Variants in ERBB4 observed in about 807,000 individuals in gnomAD.
ERBB4 encodes receptor tyrosine-protein kinase erbB-4.
ERBB4 carries 42 observed loss-of-function variants against 158.0 expected under a neutral mutation model. That is an observed-to-expected ratio of 0.27 (90% CI 0.21 to 0.34). ERBB4 has a LOEUF of 0.34. Ranked by LOEUF, ERBB4 falls within the 10% of genes least tolerant of loss-of-function variation. The probability of loss-of-function intolerance (pLI) is 1.00; values close to 1 mark genes in which losing one functional copy is unlikely to be tolerated. For missense variants in ERBB4, 1,333 were observed against 1,624.1 expected (o/e 0.82, Z 3.08); for synonymous variants, 583 against 558.7 (o/e 1.04, Z -0.61).
chr2:212,414,813 C>CA (rs2091605723), intron 1 of ERBB4, among the ~76,000 whole-genome samples: 1 of 152,168 alleles, frequency 6.6e-6, no homozygotes, highest in Non-Finnish European at 1.5e-5. Flanking sequence ...GAGGCTAACT[C>CA]ACAGTCTGTG....
intron 1 of ERBB4, among the ~76,000 whole-genome samples, chr2:212,389,320 T>C (rs1031129824): frequency 6.6e-6 from 1 of 152,120 alleles, no homozygotes; most frequent in Non-Finnish European, 1.5e-5. Flanking sequence ...ATAGACCATA[T>C]ACACATATAG....
intron 1 of ERBB4, among the ~76,000 whole-genome samples, chr2:212,161,323 TA>T (rs1397113714): frequency 6.6e-6 from 1 of 151,918 alleles, no homozygotes; most frequent in Middle Eastern, 3.2e-3. Context: ...CTAACATAAT[TA>T]ACTTTACTAG....
At chr2:212,457,295 C>T (rs1574956016) in intron 1 of ERBB4, among the ~76,000 whole-genome samples, 1 of 152,106 alleles carries the variant, frequency 6.6e-6, no homozygotes, top group East Asian at 1.9e-4. Flanking sequence ...GATTCCCAAT[C>T]ATAGCACATT....
chr2:212,373,692 T>C (rs1332315906), intron 1 of ERBB4, among the ~76,000 whole-genome samples: 2 of 148,434 alleles, frequency 1.3e-5, no homozygotes, highest in Non-Finnish European at 3.0e-5. Context: ...TGGAGATACA[T>C]ATATATCCAT....
chr2:211,430,940 C>T lies in ERBB4; in HGVS notation c.2643+5G>A, dbSNP rs2125429177. The T allele has an allele frequency of 6.2e-7, 1 of 1,610,958 alleles. No homozygotes were observed. Among genetic ancestry groups the T allele is most frequent in the Non-Finnish European group, 8.5e-7 (1 of 1,177,196 alleles). On this transcript the variant is annotated splice_donor_5th_base_variant and intron_variant, in intron 21 of 27. Coordinates refer to ENST00000342788, the MANE Select transcript of ERBB4 (RefSeq NM_005235.3). Reference sequence around the variant, plus strand: ...AAGCAAGATTGCTCTCAAAAAGATACCCACCTTTCCTCCATCAGCATTGTA... The same window carrying T: ...AAGCAAGATTGCTCTCAAAAAGATATCCACCTTTCCTCCATCAGCATTGTA...
intron 2 of ERBB4, among the ~76,000 whole-genome samples, chr2:211,968,956 A>G (rs2081379016): frequency 6.6e-6 from 1 of 151,976 alleles, no homozygotes. Flanking sequence ...CAAATTAGTA[A>G]TGTACATTTT....
At chr2:211,960,971 G>A (rs2081165640) in intron 2 of ERBB4, among the ~76,000 whole-genome samples, 1 of 152,056 alleles carries the variant, frequency 6.6e-6, no homozygotes, top group African/African-American at 2.4e-5. Context: ...AATGTAAGGT[G>A]TTAATAATAA....
chr2:211,620,920 A>G (rs1024442832), intron 18 of ERBB4, among the ~76,000 whole-genome samples: 2 of 149,722 alleles, frequency 1.3e-5, no homozygotes, highest in African/African-American at 2.5e-5. Context: ...AGCATAGGCA[A>G]CATAGAGACA....
chr2:211,764,851 C>T (rs1259187039), intron 4 of ERBB4, among the ~76,000 whole-genome samples: 2 of 152,094 alleles, frequency 1.3e-5, no homozygotes, highest in Non-Finnish European at 2.9e-5. Context: ...TCAGAAAGTT[C>T]AACGGATTTT....
intron 1 of ERBB4, among the ~76,000 whole-genome samples, chr2:212,434,327 T>G (rs1157190313): frequency 6.6e-6 from 1 of 151,904 alleles, no homozygotes; most frequent in Admixed American, 6.6e-5. Flanking sequence ...AGAGATACAG[T>G]CAAGTGAAAA....
At chr2:212,014,976 A>G (rs566648021) in intron 2 of ERBB4, among the ~76,000 whole-genome samples, 155 of 145,666 alleles carry the variant, frequency 1.1e-3, no homozygotes, top group Non-Finnish European at 1.7e-3. Context: ...ATGGATCACG[A>G]GGTAAGGAGA....
intron 1 of ERBB4, among the ~76,000 whole-genome samples, chr2:212,258,750 A>T (rs1413676111): frequency 6.6e-6 from 1 of 151,802 alleles, no homozygotes; most frequent in Middle Eastern, 3.2e-3. Flanking sequence ...TTCAAATAAT[A>T]GTACAACCTG....
intron 12 of ERBB4, among the ~76,000 whole-genome samples, chr2:211,691,718 G>A (rs895338052): frequency 6.6e-6 from 1 of 151,866 alleles, no homozygotes; most frequent in Non-Finnish European, 1.5e-5. Context: ...AAATAAGAAG[G>A]GTAAGTAAGA....
intron 20 of ERBB4, 134 bp downstream of exon 20, chr2:211,561,769 G>A (rs897604021): frequency 1.3e-6 from 1 of 787,700 alleles, no homozygotes. Context: ...TCTCTGTTAT[G>A]TATCTTTCAT....
intron 20 of ERBB4, among the ~76,000 whole-genome samples, chr2:211,471,873 G>T (rs1461910595): frequency 6.6e-6 from 1 of 152,118 alleles, no homozygotes; most frequent in African/African-American, 2.4e-5. Flanking sequence ...TTCTGGCAGT[G>T]GCTCATGCCT....
intron 1 of ERBB4, among the ~76,000 whole-genome samples, chr2:212,441,830 C>T (rs114574427): frequency 0.021 from 3,172 of 152,282 alleles, 98 homozygotes; most frequent in South Asian, 0.05. Flanking sequence ...CTTAGGGAGA[C>T]TGGGATGGTG....
intron 2 of ERBB4, among the ~76,000 whole-genome samples, chr2:211,957,566 C>T (rs552265969): frequency 2.0e-5 from 3 of 152,162 alleles, no homozygotes; most frequent in South Asian, 2.1e-4. Flanking sequence ...CCTTTCTGTG[C>T]CTCAGGATCT....
At chr2:212,205,248 C>T (rs190045220) in intron 1 of ERBB4, among the ~76,000 whole-genome samples, 1 of 152,068 alleles carries the variant, frequency 6.6e-6, no homozygotes, top group Non-Finnish European at 1.5e-5. Flanking sequence ...GAAGTCTCTG[C>T]CTCCTGGGTT....
chr2:212,324,982 C>G (rs935469861), intron 1 of ERBB4, among the ~76,000 whole-genome samples: 1 of 144,286 alleles, frequency 6.9e-6, no homozygotes, highest in African/African-American at 2.5e-5. Context: ...ATATAAACCA[C>G]TGCCCAGGCC....
Sources: gnomAD v4.1 joint callset for allele counts (sites outside exome capture counted in the v4.1 genomes callset) on GRCh38, gnomAD v4.1.1 for gene constraint, MANE v1.5 for transcripts, NCBI Gene and HGNC (gene_info 2026-07-23, HGNC 2026-07-21) for gene names.